The following RADX variants were observed in gnomAD, a reference collection of about 807,000 sequenced individuals.
The protein encoded by RADX is RPA-related protein RADX.
RADX carries 36 observed loss-of-function variants against 61.6 expected under a neutral mutation model. The observed-to-expected ratio is 0.58, with a 90% CI of 0.45 to 0.77. The LOEUF is 0.77. RADX is among the 30% of genes least tolerant of loss of function. The probability of loss-of-function intolerance (pLI) is 0.00; values close to 1 mark genes in which losing one functional copy is unlikely to be tolerated. For synonymous variants in RADX, 272 were observed against 237.9 expected, an observed-to-expected ratio of 1.14 and a Z score of -1.32; for missense variants, 497 against 651.1, an observed-to-expected ratio of 0.76 and a Z score of 2.58.
chrX:106,637,957 G>T, intron 8 of RADX, 33 bp downstream of exon 8: 1 of 1,080,499 alleles, frequency 9.3e-7, no homozygotes, highest in Admixed American at 2.2e-5. Context: ...TTCTAAATAT[G>T]TTTATATTTT....
At position 106,669,226 on chromosome X, in the gene RADX, G is replaced by T; in HGVS notation, c.2333G>T (p.Arg778Leu). Residue 778 changes from arginine (R) to leucine (L), a missense_variant, in exon 13 of 14, where the codon CGA becomes CTA. Arg to Leu is a moderately radical substitution (Grantham distance 102). Transcript: ENST00000372548. The stretch of plus-strand genomic sequence containing the variant: ...CCCATGTATTGTCCAGAAGATATTC[G>T]AACATCTCAAATAGACACACTGTTG... Reference protein sequence around the residue: ...FLPMYCPEDIRTSQIDTLLTS... With the variant: ...FLPMYCPEDILTSQIDTLLTS... The T allele has an allele frequency of 5.0e-6, 6 of 1,197,142 alleles. No homozygotes were observed. Among genetic ancestry groups the T allele is most frequent in the Non-Finnish European group, 6.8e-6 (6 of 882,615 alleles).
chrX:106,675,010 G>A (rs1466516002), intron 13 of RADX, among the ~76,000 whole-genome samples: 3 of 101,096 alleles, frequency 3.0e-5, no homozygotes, highest in African/African-American at 4.1e-5. Flanking sequence ...GCAACAGAGC[G>A]AGACTCCATC....
At chrX:106,649,365 A>G (rs1167366871) in intron 11 of RADX, among the ~76,000 whole-genome samples, 1 of 112,007 alleles carries the variant, frequency 8.9e-6, no homozygotes, top group African/African-American at 3.2e-5. Flanking sequence ...GGAGAAAACC[A>G]TAATTGTTCC....
At chrX:106,677,551 A>AT (rs1008928602) in intron 13 of RADX, among the ~76,000 whole-genome samples, 2 of 104,412 alleles carry the variant, frequency 1.9e-5, no homozygotes, top group African/African-American at 3.5e-5. Flanking sequence ...GACCTGATAC[A>AT]TTTTTCACAG....
chrX:106,644,483 G>T (rs921863719), intron 10 of RADX, among the ~76,000 whole-genome samples: 1 of 111,125 alleles, frequency 9.0e-6, no homozygotes, highest in Non-Finnish European at 1.9e-5. Flanking sequence ...ATCATGAAGG[G>T]ATATTGAATT....
chrX:106,620,385 T>G (rs928024266), intron 1 of RADX, among the ~76,000 whole-genome samples: 5 of 111,443 alleles, frequency 4.5e-5, no homozygotes, highest in Non-Finnish European at 9.4e-5. Context: ...AGTAAAAAGC[T>G]CTTCAGGATG....
intron 1 of RADX, among the ~76,000 whole-genome samples, chrX:106,618,051 A>G (rs1431274637): frequency 3.6e-5 from 4 of 112,367 alleles, no homozygotes; most frequent in Non-Finnish European, 3.8e-5. Context: ...TGCCATGAAA[A>G]TAAAAGAGAG....
intron 13 of RADX, among the ~76,000 whole-genome samples, chrX:106,677,914 T>C (rs958603082): frequency 9.0e-6 from 1 of 110,792 alleles, no homozygotes; most frequent in Non-Finnish European, 1.9e-5. Flanking sequence ...GTTCATGCCA[T>C]GGCAGTTTTG....
chrX:106,648,245 C>T (rs1353071693), intron 10 of RADX, 68 bp from the exon 11 acceptor site: 1 of 633,977 alleles, frequency 1.6e-6, no homozygotes, highest in Non-Finnish European at 2.5e-6. Flanking sequence ...TGAATAGAAC[C>T]AGTTGATTTG....
chrX:106,627,473 G>C (rs1927098931), intron 3 of RADX, among the ~76,000 whole-genome samples: 1 of 111,169 alleles, frequency 9.0e-6, no homozygotes, highest in African/African-American at 3.3e-5. Context: ...TTGTGGTAAG[G>C]ACATTAAGAA....
At chrX:106,636,215 G>T (rs1303845473) in intron 6 of RADX, among the ~76,000 whole-genome samples, 1 of 111,340 alleles carries the variant, frequency 9.0e-6, no homozygotes, top group East Asian at 2.8e-4. Context: ...CTCTTTATCT[G>T]TGCAACAAAC....
chrX:106,643,484 T>C (rs777915066), intron 10 of RADX, among the ~76,000 whole-genome samples: 7 of 111,643 alleles, frequency 6.3e-5, no homozygotes, highest in Non-Finnish European at 9.4e-5. Context: ...AGGTCTTTAA[T>C]CCATTTTGAG....
At chrX:106,672,777 G>A (rs762020760) in intron 13 of RADX, among the ~76,000 whole-genome samples, 2 of 111,946 alleles carry the variant, frequency 1.8e-5, no homozygotes, top group Non-Finnish European at 3.8e-5. Flanking sequence ...CCAGTGACTA[G>A]AGTCAAAAAT....
chrX:106,615,957 G>A (rs1015366439), intron 1 of RADX, among the ~76,000 whole-genome samples: 5 of 110,685 alleles, frequency 4.5e-5, no homozygotes, highest in South Asian at 3.8e-4. Context: ...TTTATATGGC[G>A]TTAATATTAG....
intron 11 of RADX, among the ~76,000 whole-genome samples, chrX:106,661,366 TTTC>T (rs1481506428): frequency 9.9e-6 from 1 of 101,060 alleles, no homozygotes; most frequent in Non-Finnish European, 1.9e-5. Context: ...TTTGTTTTTT[TTTC>T]TTGTTTTTTT....
intron 10 of RADX, among the ~76,000 whole-genome samples, chrX:106,646,894 A>C (rs1388398286): frequency 1.8e-5 from 2 of 111,445 alleles, no homozygotes; most frequent in Non-Finnish European, 3.8e-5. Context: ...CATTCATGAA[A>C]TGTTTTGATG....
intron 10 of RADX, among the ~76,000 whole-genome samples, chrX:106,643,845 T>C (rs973023884): frequency 3.6e-5 from 4 of 111,796 alleles, no homozygotes; most frequent in African/African-American, 1.3e-4. Flanking sequence ...AGGGATTGCA[T>C]TGAATATGTA....
intron 11 of RADX, among the ~76,000 whole-genome samples, chrX:106,660,575 G>C (rs1186557942): frequency 8.9e-6 from 1 of 112,060 alleles, no homozygotes; most frequent in African/African-American, 3.2e-5. Flanking sequence ...CCAGGACATA[G>C]GCAAGAAAGA....
At chrX:106,664,020 T>C (rs866991184) in intron 12 of RADX, among the ~76,000 whole-genome samples, 5 of 111,899 alleles carry the variant, frequency 4.5e-5, no homozygotes, top group Middle Eastern at 4.7e-3. Context: ...GCTGTTTCTA[T>C]ATAAATTTTA....
Sources: allele counts gnomAD v4.1 joint callset (sites outside exome capture counted in the v4.1 genomes callset), GRCh38; gene constraint gnomAD v4.1.1; transcripts MANE v1.5; gene names NCBI Gene and HGNC (gene_info 2026-07-23, HGNC 2026-07-21).